The following WDR4 variants were observed in gnomAD, a reference collection of about 807,000 sequenced individuals.
WDR4 encodes WDR4 tRNA N7-guanosine methyltransferase non-catalytic subunit, also known as tRNA (guanine-N(7)-)-methyltransferase non-catalytic subunit WDR4.
A neutral mutation model predicts 48.6 loss-of-function variants in WDR4; 47 were observed. The ratio of observed to expected loss-of-function variants is 0.97; its 90% CI spans 0.77 to 1.23. The LOEUF is 1.23. Ranked by LOEUF, WDR4 falls within the 50% of genes most tolerant of loss-of-function variation. The probability of loss-of-function intolerance (pLI) is 0.00; values close to 1 mark genes in which losing one functional copy is unlikely to be tolerated. For synonymous variants in WDR4, 268 were observed against 230.0 expected, an observed-to-expected ratio of 1.17 and a Z score of -1.49; for missense variants, 606 against 551.6, an observed-to-expected ratio of 1.10 and a Z score of -0.99.
the WDR4 span, among the ~76,000 whole-genome samples, chr21:42,890,003 G>A: frequency 6.6e-6 from 1 of 151,034 alleles, no homozygotes; most frequent in Non-Finnish European, 1.5e-5. Flanking sequence ...GATTGCTTGA[G>A]CCCTGGAGTT....
chr21:42,851,934 G>A (rs1428068707), intron 10 of WDR4, among the ~76,000 whole-genome samples: 1 of 152,234 alleles, frequency 6.6e-6, no homozygotes, highest in East Asian at 1.9e-4. Context: ...AGGCAGCACA[G>A]CACCAGCTCC....
downstream of WDR4, among the ~76,000 whole-genome samples, chr21:42,845,324 G>C (rs574626467): frequency 3.5e-4 from 54 of 152,320 alleles, no homozygotes; most frequent in African/African-American, 1.3e-3. Flanking sequence ...TCTCACAAGG[G>C]AAATCAGAAA....
intron 3 of WDR4, among the ~76,000 whole-genome samples, chr21:42,864,092 A>G (rs1410985195): frequency 1.4e-5 from 1 of 73,094 alleles, no homozygotes; most frequent in Non-Finnish European, 2.5e-5. Flanking sequence ...GGGGCGACAG[A>G]GCGAGACTCC....
chr21:42,850,324 G>C (rs2057792013), intron 10 of WDR4, 82 bp from the exon 11 acceptor site: 1 of 1,321,768 alleles, frequency 7.6e-7, no homozygotes, highest in African/African-American at 1.5e-5. Flanking sequence ...CTGCAGCAGG[G>C]AGTTACCTCG....
At chr21:42,889,941 T>C in the WDR4 span, among the ~76,000 whole-genome samples, 29,407 of 151,968 alleles carry the variant, frequency 0.19, 4,072 homozygotes, top group African/African-American at 0.4. Flanking sequence ...TTTAGGCCCA[T>C]GTGCAATGGC....
the WDR4 span, among the ~76,000 whole-genome samples, chr21:42,888,670 A>ACACTGGC: frequency 6.6e-6 from 1 of 151,592 alleles, no homozygotes; most frequent in Non-Finnish European, 1.5e-5. Flanking sequence ...ATTTGAGCTC[A>ACACTGGC]CAATAAATAT....
downstream of WDR4, among the ~76,000 whole-genome samples, chr21:42,847,991 C>T (rs1426260790): frequency 2.6e-5 from 4 of 152,214 alleles, no homozygotes; most frequent in Non-Finnish European, 4.4e-5. Context: ...CCAGCATGGC[C>T]CCTGCCTTCT....
At chr21:42,847,317 C>G (rs1393834758), downstream of WDR4, among the ~76,000 whole-genome samples, 4 of 152,164 alleles carry the variant, frequency 2.6e-5, no homozygotes, top group Admixed American at 1.3e-4. Context: ...ACACGCGGAG[C>G]TGGGTTCAAC....
At chr21:42,883,274 C>CAAAAAA (rs56707881), upstream of WDR4, among the ~76,000 whole-genome samples, 1 of 77,762 alleles carries the variant, frequency 1.3e-5, no homozygotes, top group Non-Finnish European at 2.3e-5. Context: ...GACTCTGTCT[C>CAAAAAA]AAAAAAAAAA....
chr21:42,852,944 G>A (rs1031637344), intron 9 of WDR4, among the ~76,000 whole-genome samples: 4 of 151,048 alleles, frequency 2.6e-5, no homozygotes, highest in Admixed American at 6.6e-5. Context: ...CTTCCAAAGT[G>A]CTCAACTGAG....
At position 42,862,175 on chromosome 21, in the gene WDR4, C is replaced by A; in HGVS notation, c.566+107G>T. ...AAACACCAAGCACGGGGGCTGCTGTCACCCGCGTGGGGCCTCGCCAGCTAC... is the reference window on the plus strand; with the variant it reads ...AAACACCAAGCACGGGGGCTGCTGTAACCCGCGTGGGGCCTCGCCAGCTAC... On this transcript the variant is annotated intron_variant, in intron 5 of 10. Transcript: ENST00000398208. This position sits in a 1 kb window ranked among gnomAD's most constrained non-coding sequence, Gnocchi z 4.3. 1.0e-6 allele frequency: 1 copy of A among 997,980 alleles called. No individual in the cohort carries two copies. The highest frequency in any genetic ancestry group is 3.1e-4 in the Middle Eastern group (1 of 3,202). The allele number at this position is 997,980 out of a possible 1,614,324, so 61.8% of individuals were successfully genotyped here. A position where few individuals can be genotyped will look rare whatever the true frequency, so the allele number is the denominator to read the frequency against.
rs369149286 is a variant in WDR4, at chr21:42,852,231, G to A, written c.1045+24C>T. 12 of 1,613,480 alleles carry A rather than the reference G, an allele frequency of 7.4e-6. No individual in the cohort carries two copies. In the African/African-American group the frequency reaches 1.3e-4, roughly 18 times the overall value. Reference sequence around the variant, plus strand: ...GACCGCGCTGGGTGTGACCCCCAAGGGCAGCCTGCACCCGTGCTCTCACCT... The same window carrying A: ...GACCGCGCTGGGTGTGACCCCCAAGAGCAGCCTGCACCCGTGCTCTCACCT... On this transcript the variant is annotated intron_variant, in intron 10 of 10. Coordinates refer to ENST00000398208, the MANE Select transcript of WDR4 (RefSeq NM_018669.6).
chr21:42,891,729 G>C, the WDR4 span, among the ~76,000 whole-genome samples: 1 of 152,080 alleles, frequency 6.6e-6, no homozygotes, highest in Non-Finnish European at 1.5e-5. Context: ...AGGCCGAGGC[G>C]GGCGATCATT....
upstream of WDR4, among the ~76,000 whole-genome samples, chr21:42,881,185 C>T (rs979997583): frequency 2.6e-5 from 4 of 152,140 alleles, no homozygotes. Context: ...GGATTACAGG[C>T]GTGAGCCACC....
chr21:42,848,836 T>A (rs1602679809), downstream of WDR4, among the ~76,000 whole-genome samples: 1 of 43,098 alleles, frequency 2.3e-5, no homozygotes, highest in African/African-American at 1.4e-4. Context: ...GGCGCGCACC[T>A]CACTCACAGC....
chr21:42,873,425 C>G (rs2058417053), intron 3 of WDR4, 126 bp downstream of exon 3: 2 of 1,377,050 alleles, frequency 1.5e-6, no homozygotes, highest in Admixed American at 3.8e-5. Flanking sequence ...GTGTCTGGCA[C>G]TGAACTGCGG....
rs1332984081 is a variant in WDR4 at position 42,859,728 on chromosome 21, A to G, written c.567-6T>C. On this transcript the variant is annotated splice_region_variant and splice_polypyrimidine_tract_variant and intron_variant, in intron 5 of 10. Transcript: ENST00000398208. ...CGGAGATACGGCTCACAAACCTGTG[A>G]GGGCGAGAGAGAGCGGCAGAGTCAG... 3.2e-6 allele frequency: 5 copies of G among 1,556,768 alleles called. No individual in the cohort carries two copies. Among genetic ancestry groups the G allele is most frequent in the Middle Eastern group, 1.7e-4 (1 of 6,016 alleles).
At chr21:42,846,664 G>A (rs1258099961), downstream of WDR4, among the ~76,000 whole-genome samples, 1 of 152,164 alleles carries the variant, frequency 6.6e-6, no homozygotes. Context: ...TGTGAGCTGA[G>A]ATCACACCAC....
chr21:42,876,218 C>CTTTTTTTTTTTTTTTTTTTTTTT (rs373181618), intron 2 of WDR4, among the ~76,000 whole-genome samples: 3 of 105,858 alleles, frequency 2.8e-5, no homozygotes, highest in African/African-American at 7.8e-5. Context: ...ACACTGTACT[C>CTTTTTTTTTTTTTTTTTTTTTTT]TTTTTTTTTT....
Sources: gnomAD v4.1 joint callset for allele counts (sites outside exome capture counted in the v4.1 genomes callset) on GRCh38, gnomAD v4.1.1 for gene constraint, Gnocchi (gnomAD v3.1) non-coding constraint, MANE v1.5 for transcripts, NCBI Gene and HGNC (gene_info 2026-07-23, HGNC 2026-07-21) for gene names.